LAMA1: variants seen among roughly 807,000 people sequenced by gnomAD.
LAMA1 encodes laminin subunit alpha-1.
A neutral mutation model predicts 348.7 loss-of-function variants in LAMA1; 219 were observed. The observed-to-expected ratio is 0.63, with a 90% CI of 0.56 to 0.70. The LOEUF (loss-of-function observed/expected upper bound fraction) is 0.70, where lower values mean the gene tolerates loss of function less well. Among genes scored for constraint, LAMA1 ranks in the 30% least tolerant of loss-of-function variants. The probability of loss-of-function intolerance (pLI) is 0.00; values close to 1 mark genes in which losing one functional copy is unlikely to be tolerated. For synonymous variants in LAMA1, 1,487 were observed against 1,491.0 expected (o/e 1.00, Z 0.06); for missense variants, 3,744 against 3,888.0 (o/e 0.96, Z 0.99).
intron 41 of LAMA1, among the ~76,000 whole-genome samples, chr18:6,982,052 T>G (rs1201895056): frequency 6.6e-6 from 1 of 152,172 alleles, no homozygotes; most frequent in Non-Finnish European, 1.5e-5. Context: ...TTTAATTTAA[T>G]GATTATTAAA....
Position 6,962,061 on chromosome 18 carries a change from T to C in LAMA1, c.7338-2A>G. The C allele has an allele frequency of 6.2e-7, 1 of 1,603,734 alleles. No individual in the cohort carries two copies. The highest frequency in any genetic ancestry group is 1.3e-5 in the African/African-American group (1 of 74,842). ...AAGCTTTTGGTGGTGACACCTCTCC[T>C]GTAGGGAAGGGCATGAGAACAATCA... On this transcript the variant is annotated splice_acceptor_variant, in intron 51 of 62. Transcript: ENST00000389658. LOFTEE classifies it high-confidence loss of function.
intron 1 of LAMA1, among the ~76,000 whole-genome samples, chr18:7,094,865 T>C (rs1177915805): frequency 1.3e-5 from 2 of 152,158 alleles, no homozygotes; most frequent in Admixed American, 6.5e-5. Flanking sequence ...GAATAAAATA[T>C]TTAGGAAAAA....
chr18:6,954,319 A>G (rs1310317227), intron 57 of LAMA1: 1 of 152,122 alleles, frequency 6.6e-6, no homozygotes, highest in Non-Finnish European at 1.5e-5. Context: ...TGGGAGAGAG[A>G]AAGGGTTAGG....
intron 7 of LAMA1, among the ~76,000 whole-genome samples, chr18:7,043,867 C>T (rs1021225840): frequency 9.9e-5 from 15 of 152,018 alleles, no homozygotes; most frequent in African/African-American, 3.4e-4. Context: ...ATATAAAAAG[C>T]GATGTGGGCT....
chr18:7,044,321 AGGAG>A (rs2058033277), intron 7 of LAMA1, among the ~76,000 whole-genome samples: 1 of 152,164 alleles, frequency 6.6e-6, no homozygotes, highest in Non-Finnish European at 1.5e-5. Context: ...AAAAGTGCGA[AGGAG>A]GGAGATGAAG....
intron 62 of LAMA1, 42 bp from the exon 63 acceptor site, chr18:6,942,281 T>C (rs766695263): frequency 6.2e-7 from 1 of 1,608,616 alleles, no homozygotes; most frequent in Non-Finnish European, 8.5e-7. Flanking sequence ...CTTAATTTTG[T>C]TGAAATGCGA....
intron 61 of LAMA1, among the ~76,000 whole-genome samples, chr18:6,945,607 G>C (rs567238333): frequency 2.0e-5 from 3 of 152,274 alleles, no homozygotes; most frequent in Non-Finnish European, 2.9e-5. Context: ...GTTAGGTAGA[G>C]AGAGGACCAG....
At chr18:6,992,362 C>T (rs1292436977) in intron 36 of LAMA1, among the ~76,000 whole-genome samples, 199 bp downstream of exon 36, 1 of 152,228 alleles carries the variant, frequency 6.6e-6, no homozygotes, top group Non-Finnish European at 1.5e-5. Context: ...ACACTGACTG[C>T]ACAGATTACA....
At chr18:7,094,684 GCTTA>G (rs908305785) in intron 1 of LAMA1, among the ~76,000 whole-genome samples, 2 of 152,020 alleles carry the variant, frequency 1.3e-5, no homozygotes, top group African/African-American at 2.4e-5. Flanking sequence ...AAGGTTTTTG[GCTTA>G]CTGTTAAGAG....
chr18:7,003,621 A>G (rs1271301579), intron 29 of LAMA1, among the ~76,000 whole-genome samples: 1 of 152,140 alleles, frequency 6.6e-6, no homozygotes, highest in Admixed American at 6.5e-5. Flanking sequence ...TCCAATTTGA[A>G]ATTGGCATTT....
chr18:7,052,379 T>C (rs1443039839), intron 3 of LAMA1, among the ~76,000 whole-genome samples: 1 of 151,026 alleles, frequency 6.6e-6, no homozygotes, highest in Non-Finnish European at 1.5e-5. Context: ...TACAGGGAGC[T>C]GAGATTGCAC....
intron 16 of LAMA1, among the ~76,000 whole-genome samples, chr18:7,029,846 A>C (rs1342823061): frequency 6.6e-6 from 1 of 152,188 alleles, no homozygotes; most frequent in Non-Finnish European, 1.5e-5. Flanking sequence ...TCTAAGAGCA[A>C]CTGGAACCTC....
chr18:6,965,468 C>T lies in LAMA1; in HGVS notation c.7051-36G>A, dbSNP rs746640283. The T allele has an allele frequency of 8.1e-6, 13 of 1,612,772 alleles. No homozygotes were observed. The Admixed American group carries it at 1.7e-4, about 21-fold the overall frequency. On this transcript the variant is annotated intron_variant, in intron 49 of 62. Transcript: ENST00000389658. The stretch of plus-strand genomic sequence containing the variant: ...GAGAACACAGTTCCCCAGGTTATAG[C>T]TTTATCCCAGGTTTCCCTTTCCCTT...
At chr18:7,033,744 T>A (rs1171481625) in intron 14 of LAMA1, among the ~76,000 whole-genome samples, 10 of 151,794 alleles carry the variant, frequency 6.6e-5, no homozygotes, top group Non-Finnish European at 2.9e-5. Flanking sequence ...CATACAACTT[T>A]TTTTTTTTGA....
intron 3 of LAMA1, among the ~76,000 whole-genome samples, chr18:7,066,524 T>C (rs2058123580): frequency 6.6e-6 from 1 of 152,214 alleles, no homozygotes; most frequent in African/African-American, 2.4e-5. Context: ...CACCGTGTTA[T>C]AGCAATTTGA....
intron 32 of LAMA1, among the ~76,000 whole-genome samples, chr18:6,999,042 G>GT (rs112659240): frequency 0.034 from 5,106 of 148,874 alleles, 307 homozygotes; most frequent in African/African-American, 0.12. Context: ...TTTTGTTTTT[G>GT]TTTTTTTTTT....
chr18:7,032,074 C>T lies in LAMA1; in HGVS notation c.2266G>A (p.Val756Ile), dbSNP rs776368738. Residue 756 changes from valine to isoleucine, a missense_variant, in exon 16 of 63, where the codon GTT (valine) becomes ATT (isoleucine). Transcript: ENST00000389658. Reference protein sequence around the residue: ...GHAAECNVHGVCIACAHNTTG... With the variant: ...GHAAECNVHGICIACAHNTTG... Reference sequence around the variant, plus strand: ...TACAGTGAGAGACTCACAATGCAAACGCCGTGAACATTACACTCAGCTGCA... The same window carrying T: ...TACAGTGAGAGACTCACAATGCAAATGCCGTGAACATTACACTCAGCTGCA... 1.2e-5 allele frequency: 19 copies of T among 1,613,702 alleles called. No individual in the cohort carries two copies. Among genetic ancestry groups the T allele is most frequent in the Admixed American group, 5.0e-5 (3 of 60,000 alleles).
chr18:7,021,525 G>T (rs140931789), intron 19 of LAMA1, among the ~76,000 whole-genome samples: 2,116 of 152,088 alleles, frequency 0.014, 43 homozygotes, highest in African/African-American at 0.048. Context: ...TGAGGAAAAT[G>T]TAGCATCCTA....
At chr18:7,085,413 CTTTTTTTT>C (rs36122063) in intron 1 of LAMA1, among the ~76,000 whole-genome samples, 1 of 85,274 alleles carries the variant, frequency 1.2e-5, no homozygotes, top group Non-Finnish European at 2.0e-5. Flanking sequence ...TCTTCTTCTT[CTTTTTTTT>C]TTTTTTTTTT....
Sources: allele counts gnomAD v4.1 joint callset (sites outside exome capture counted in the v4.1 genomes callset), GRCh38; gene constraint gnomAD v4.1.1; transcripts MANE v1.5; gene names NCBI Gene and HGNC (gene_info 2026-07-23, HGNC 2026-07-21).